LRP2: variants seen among roughly 807,000 people sequenced by gnomAD.
LRP2 encodes LDL receptor related protein 2.
LRP2 carries 172 observed loss-of-function variants against 531.0 expected under a neutral mutation model. The observed-to-expected ratio is 0.32, with a 90% CI of 0.29 to 0.37. LRP2 has a LOEUF of 0.37. LRP2 is among the 10% of genes least tolerant of loss of function. The pLI, the probability that LRP2 is intolerant of heterozygous loss-of-function variation, is 1.00. For missense variants in LRP2, 5,167 were observed against 5,868.3 expected, an observed-to-expected ratio of 0.88 and a Z score of 3.90; for synonymous variants, 1,992 against 2,027.6, an observed-to-expected ratio of 0.98 and a Z score of 0.47.
At chr2:169,144,161 G>A (rs183629930) in intron 70 of LRP2, among the ~76,000 whole-genome samples, 16 of 152,146 alleles carry the variant, frequency 1.1e-4, no homozygotes, top group Non-Finnish European at 1.2e-4. Flanking sequence ...CTGGAGCAGC[G>A]GTTCTCAAAA....
rs775275293 is a variant in LRP2, at chr2:169,174,190, A to G, written c.10769-26T>C. 4.3e-6 allele frequency: 7 copies of G among 1,613,966 alleles called. No individual in the cohort carries two copies. In the African/African-American group the frequency reaches 8.0e-5, roughly 18 times the overall value. On this transcript the variant is annotated intron_variant, in intron 55 of 78. Transcript: ENST00000649046. ...CTGAGAGCAGGGACATTTGGTTATCAGCTTGGAAGGCATCAAGAATGAAAG... is the reference window on the plus strand; with the variant it reads ...CTGAGAGCAGGGACATTTGGTTATCGGCTTGGAAGGCATCAAGAATGAAAG...
chr2:169,318,313 C>T (rs1203784843), intron 3 of LRP2, among the ~76,000 whole-genome samples: 1 of 151,922 alleles, frequency 6.6e-6, no homozygotes, highest in East Asian at 1.9e-4. Context: ...ACTGAAGTAA[C>T]CACCAAGAAG....
At chr2:169,265,731 A>T (rs1690772339) in intron 16 of LRP2, among the ~76,000 whole-genome samples, 1 of 152,036 alleles carries the variant, frequency 6.6e-6, no homozygotes, top group Non-Finnish European at 1.5e-5. Context: ...TATGCCACCT[A>T]CTTATGTTTC....
At chr2:169,350,754 C>T (rs1305668642) in intron 1 of LRP2, among the ~76,000 whole-genome samples, 4 of 137,316 alleles carry the variant, frequency 2.9e-5, no homozygotes, top group Admixed American at 1.5e-4. Flanking sequence ...AAAGTGGGGA[C>T]TCAGATGACA....
intron 16 of LRP2, among the ~76,000 whole-genome samples, chr2:169,268,939 A>G (rs1683316002): frequency 6.6e-6 from 1 of 152,178 alleles, no homozygotes; most frequent in South Asian, 2.1e-4. Context: ...AAAAATCACA[A>G]GCATTCCTAT....
intron 3 of LRP2, among the ~76,000 whole-genome samples, chr2:169,318,208 C>G (rs1684817920): frequency 6.6e-6 from 1 of 152,024 alleles, no homozygotes. Context: ...CAAACCCCCT[C>G]AATGTCCAGG....
chr2:169,277,847 C>T lies in LRP2; in HGVS notation c.1670G>A (p.Gly557Glu). ...ATCCAGAGTTACCCCAGCAGGCCATCCCAGCTTTGTTTTCACCAAGTCTTT... is the reference window on the plus strand; with the variant it reads ...ATCCAGAGTTACCCCAGCAGGCCATTCCAGCTTTGTTTTCACCAAGTCTTT... ...NRKDLVKTKL[G>E]WPAGVTLDMI... is the part of the protein sequence containing the mutation. Residue 557 changes from glycine to glutamate, a missense_variant, in exon 13 of 79, where the codon GGA (glycine) becomes GAA (glutamate). Around this residue, in one of 6 missense-constraint regions of LRP2, gnomAD observed 2,811 missense variants for 3,058.0 expected, o/e 0.92. Transcript: ENST00000649046. 2 of 1,614,160 alleles carry T rather than the reference C, an allele frequency of 1.2e-6. No homozygotes were observed. Among genetic ancestry groups the T allele is most frequent in the East Asian group, 2.2e-5 (1 of 44,882 alleles).
intron 13 of LRP2, among the ~76,000 whole-genome samples, chr2:169,277,507 G>T (rs1683587732): frequency 6.6e-6 from 1 of 152,018 alleles, no homozygotes; most frequent in African/African-American, 2.4e-5. Flanking sequence ...AGAAATCAAA[G>T]AACAAATGCT....
At chr2:169,195,058 T>C (rs1032246595) in intron 46 of LRP2, among the ~76,000 whole-genome samples, 22 of 152,312 alleles carry the variant, frequency 1.4e-4, no homozygotes, top group African/African-American at 5.3e-4. Flanking sequence ...AGCAGCACCA[T>C]TTCTGGACAT....
intron 10 of LRP2, 88 bp from the exon 11 acceptor site, chr2:169,280,607 C>G: frequency 7.8e-7 from 1 of 1,279,768 alleles, no homozygotes; most frequent in Non-Finnish European, 1.1e-6. Flanking sequence ...TCTGCTTTTT[C>G]AAATGCTATC....
In LRP2 at chr2:169,198,813, T is replaced by G; in HGVS notation, c.8551A>C (p.Asn2851His). The G allele has an allele frequency of 6.2e-7, 1 of 1,613,950 alleles. No homozygotes were observed. ...LCDGDNDCGD[N>H]SDENPTYCTT... ...CAATAAGTAGGGTTTTCATCACTGT[T>G]ATCTCCACAGTCATTGTCTCCGTCA... Residue 2851 changes from asparagine to histidine, a missense_variant, in exon 45 of 79, where the codon AAC (asparagine) becomes CAC (histidine). Transcript: ENST00000649046.
In LRP2 at chr2:169,207,258, A is replaced by G. The variant is rs1449921381; in HGVS notation, c.6470-8T>C. Reference sequence around the variant, plus strand: ...TGGTGAAATAAAGATTTCCTATGGGAAAAATGAAAGTGCATGCTGATCAAT... The same window carrying G: ...TGGTGAAATAAAGATTTCCTATGGGGAAAATGAAAGTGCATGCTGATCAAT... On this transcript the variant is annotated splice_region_variant and splice_polypyrimidine_tract_variant and intron_variant, in intron 38 of 78. Coordinates refer to ENST00000649046, the MANE Select transcript of LRP2 (RefSeq NM_004525.3). 1.2e-6 allele frequency: 2 copies of G among 1,608,220 alleles called. No homozygotes were observed. The highest frequency in any genetic ancestry group is 1.7e-5 in the Admixed American group (1 of 59,974).
intron 43 of LRP2, among the ~76,000 whole-genome samples, chr2:169,202,185 TA>T: frequency 6.6e-6 from 1 of 152,212 alleles, no homozygotes; most frequent in East Asian, 1.9e-4. Context: ...TTCAGGAAAA[TA>T]AAAACTCCTA....
chr2:169,302,176 C>T (rs1465285065), intron 4 of LRP2, among the ~76,000 whole-genome samples: 1 of 152,050 alleles, frequency 6.6e-6, no homozygotes, highest in Non-Finnish European at 1.5e-5. Flanking sequence ...CTCATTTAAT[C>T]TTTGATCACA....
At chr2:169,337,383 T>G (rs1167603215) in intron 1 of LRP2, among the ~76,000 whole-genome samples, 1 of 152,176 alleles carries the variant, frequency 6.6e-6, no homozygotes, top group Non-Finnish European at 1.5e-5. Context: ...TGGTACCATG[T>G]ATAAGGCCAT....
intron 49 of LRP2, among the ~76,000 whole-genome samples, chr2:169,187,326 A>G (rs940495824): frequency 2.6e-5 from 4 of 152,242 alleles, no homozygotes; most frequent in African/African-American, 4.8e-5. Flanking sequence ...AATGCTTTCA[A>G]TGAGTACTGA....
chr2:169,284,882 C>G (rs898646758), intron 9 of LRP2, among the ~76,000 whole-genome samples: 1 of 152,170 alleles, frequency 6.6e-6, no homozygotes, highest in Non-Finnish European at 1.5e-5. Context: ...GAGACCACGT[C>G]TAAGGATCTG....
intron 56 of LRP2, 111 bp downstream of exon 56, chr2:169,173,808 G>GAGC: frequency 1.4e-6 from 2 of 1,460,772 alleles, no homozygotes; most frequent in South Asian, 2.3e-5. Flanking sequence ...TGCCAAGGGG[G>GAGC]AGCATCCCAT....
intron 19 of LRP2, 146 bp from the exon 20 acceptor site, chr2:169,247,661 T>C: frequency 1.2e-6 from 1 of 862,294 alleles, no homozygotes; most frequent in Non-Finnish European, 1.9e-6. Context: ...CTCTAACCAT[T>C]TTCCACGACT....
Sources: gnomAD v4.1 joint callset for allele counts (sites outside exome capture counted in the v4.1 genomes callset) on GRCh38, gnomAD v4.1.1 for gene constraint, gnomAD v4.1.1 regional missense constraint, MANE v1.5 for transcripts, NCBI Gene and HGNC (gene_info 2026-07-23, HGNC 2026-07-21) for gene names.